The following MIA2 variants were observed in gnomAD, a reference collection of about 807,000 sequenced individuals.
MIA2 encodes the protein melanoma inhibitory activity protein 2.
MIA2 carries 127 observed loss-of-function variants against 167.8 expected under a neutral mutation model. The observed-to-expected ratio is 0.76, with a 90% CI of 0.66 to 0.88. MIA2 has a LOEUF of 0.88. Among genes scored for constraint, MIA2 ranks in the 40% least tolerant of loss-of-function variants. The pLI is 0.00. For missense variants in MIA2, 1,690 were observed against 1,624.7 expected (o/e 1.04, Z -0.69); for synonymous variants, 552 against 541.9 (o/e 1.02, Z -0.26).
intron 25 of MIA2, among the ~76,000 whole-genome samples, chr14:39,342,017 A>T (rs1028498191): frequency 5.3e-5 from 8 of 150,726 alleles, no homozygotes; most frequent in African/African-American, 1.5e-4. Context: ...ATTGAGATTT[A>T]AAAAAAAAAT....
chr14:39,266,634 C>G (rs764705179), intron 6 of MIA2: 2 of 985,542 alleles, frequency 2.0e-6, no homozygotes, highest in Non-Finnish European at 2.4e-6. Flanking sequence ...AAAGTCCGGA[C>G]GTGGTTGGCA....
At chr14:39,322,490 G>A (rs2066636661) in intron 24 of MIA2, among the ~76,000 whole-genome samples, 1 of 148,474 alleles carries the variant, frequency 6.7e-6, no homozygotes, top group African/African-American at 2.5e-5. Flanking sequence ...GCAGTGAGCC[G>A]AGATAGTGCC....
intron 23 of MIA2, among the ~76,000 whole-genome samples, chr14:39,320,248 G>A (rs115236381): frequency 0.014 from 2,153 of 152,078 alleles, 54 homozygotes; most frequent in African/African-American, 0.046. Flanking sequence ...GGTGGTTTTT[G>A]TTTGTATTTT....
chr14:39,312,418 G>A (rs932689132), intron 18 of MIA2, among the ~76,000 whole-genome samples: 2 of 152,348 alleles, frequency 1.3e-5, no homozygotes, highest in Admixed American at 6.5e-5. Flanking sequence ...AATAGGTAAT[G>A]TAGTGTGTAG....
At chr14:39,320,809 T>C (rs1001440982) in intron 23 of MIA2, 119 bp from the exon 24 acceptor site, 125 of 1,035,316 alleles carry the variant, frequency 1.2e-4, no homozygotes, top group Middle Eastern at 3.1e-4. Context: ...ATTCAGGACA[T>C]AGATTAAACT....
At chr14:39,323,621 T>G (rs1374279672) in intron 24 of MIA2, among the ~76,000 whole-genome samples, 1 of 152,208 alleles carries the variant, frequency 6.6e-6, no homozygotes, top group African/African-American at 2.4e-5. Flanking sequence ...TTTCATTAAT[T>G]TAATCTTAAT....
At chr14:39,272,129 G>C (rs1566655054) in intron 6 of MIA2, among the ~76,000 whole-genome samples, 1 of 152,130 alleles carries the variant, frequency 6.6e-6, no homozygotes, top group Non-Finnish European at 1.5e-5. Flanking sequence ...TGATGGGGGT[G>C]GATCACGAGG....
chr14:39,295,341 A>G (rs1197887223), intron 13 of MIA2, among the ~76,000 whole-genome samples: 1 of 152,182 alleles, frequency 6.6e-6, no homozygotes, highest in Non-Finnish European at 1.5e-5. Flanking sequence ...GAAGTTATAG[A>G]TCTGGGGTCT....
intron 18 of MIA2, among the ~76,000 whole-genome samples, chr14:39,312,381 A>G (rs2064476306): frequency 6.6e-6 from 1 of 152,232 alleles, no homozygotes. Context: ...CATGAAAGTG[A>G]TTGACCTTAG....
intron 6 of MIA2, chr14:39,267,627 G>A (rs1210310784): frequency 5.9e-6 from 8 of 1,362,040 alleles, no homozygotes; most frequent in Non-Finnish European, 8.0e-6. Context: ...GTGGTCAGAG[G>A]TCCCGAAGCC....
chr14:39,328,765 C>T (rs760545170), intron 25 of MIA2, among the ~76,000 whole-genome samples: 1 of 152,072 alleles, frequency 6.6e-6, no homozygotes, highest in Non-Finnish European at 1.5e-5. Context: ...TGTCAAAGAT[C>T]AGTTGGTTGT....
At chr14:39,306,939 T>C (rs1566847652) in intron 17 of MIA2, among the ~76,000 whole-genome samples, 1 of 152,224 alleles carries the variant, frequency 6.6e-6, no homozygotes, top group African/African-American at 2.4e-5. Context: ...GCATAAATTA[T>C]AAAGCATTCA....
chr14:39,358,453 T>C (rs2074589366), intron 23 of MIA2, among the ~76,000 whole-genome samples: 1 of 152,162 alleles, frequency 6.6e-6, no homozygotes, highest in South Asian at 2.1e-4. Context: ...TCGCCATTTG[T>C]CTAATCTTTT....
chr14:39,321,681 T>C (rs972033205), intron 24 of MIA2, among the ~76,000 whole-genome samples: 1 of 152,070 alleles, frequency 6.6e-6, no homozygotes, highest in South Asian at 2.1e-4. Flanking sequence ...TGATATAATA[T>C]AAAATTTTGT....
chr14:39,238,811 A>AAAACAAAAAAC, intron 2 of MIA2, among the ~76,000 whole-genome samples: 1 of 103,608 alleles, frequency 9.7e-6, no homozygotes, highest in African/African-American at 3.9e-5. Context: ...AAAAAAAAAA[A>AAAACAAAAAAC]CCCAAAAAAC....
chr14:39,277,415 A>G (rs948989580), intron 7 of MIA2, among the ~76,000 whole-genome samples: 1 of 151,564 alleles, frequency 6.6e-6, no homozygotes. Context: ...GGTCCTGGCT[A>G]CTCAGGAGGC....
intron 6 of MIA2, among the ~76,000 whole-genome samples, chr14:39,270,198 TG>T (rs1302671367): frequency 9.7e-5 from 11 of 112,942 alleles, no homozygotes; most frequent in South Asian, 3.0e-4. Context: ...CACTCTGTTG[TG>T]GTTTTTTTTT....
intron 27 of MIA2, 143 bp from the exon 28 acceptor site, chr14:39,348,600 A>G (rs2073906315): frequency 8.2e-7 from 1 of 1,219,766 alleles, no homozygotes; most frequent in South Asian, 1.4e-5. Flanking sequence ...TACTGTGGAA[A>G]GCTGTTTGAA....
chr14:39,364,538 A>C (rs1208562439), intron 23 of MIA2, among the ~76,000 whole-genome samples: 3 of 150,402 alleles, frequency 2.0e-5, no homozygotes, highest in African/African-American at 7.4e-5. Context: ...TTGTATTTTC[A>C]TGGTGATAGG....
Sources: gnomAD v4.1 joint callset for allele counts (sites outside exome capture counted in the v4.1 genomes callset) on GRCh38, gnomAD v4.1.1 for gene constraint, MANE v1.5 for transcripts, NCBI Gene and HGNC (gene_info 2026-07-23, HGNC 2026-07-21) for gene names.